The following PPARGC1A variants were observed in gnomAD, a reference collection of about 807,000 sequenced individuals.
PPARGC1A encodes PPARG coactivator 1 alpha.
PPARGC1A carries 25 observed loss-of-function variants against 88.7 expected under a neutral mutation model. That is an observed-to-expected ratio of 0.28 (90% CI 0.21 to 0.39). The LOEUF (loss-of-function observed/expected upper bound fraction) is 0.39. Ranked by LOEUF, PPARGC1A falls within the 10% of genes least tolerant of loss-of-function variation. The probability of loss-of-function intolerance (pLI) is 1.00; values close to 1 mark genes in which losing one functional copy is unlikely to be tolerated. For synonymous variants in PPARGC1A, 363 were observed against 355.6 expected (o/e 1.02, Z -0.24); for missense variants, 880 against 968.7 (o/e 0.91, Z 1.22).
In PPARGC1A at chr4:23,830,474, T is replaced by C. The variant is rs7689831; in HGVS notation, c.430-889A>G. The stretch of plus-strand genomic sequence containing the variant: ...TATCAATGGAAAGAAATCAGGGTAC[T>C]AGGGAGCAAAGCCAATGACACTAAC... On this transcript the variant is annotated intron_variant, in intron 3 of 12. Coordinates refer to ENST00000264867, the MANE Select transcript of PPARGC1A (RefSeq NM_013261.5). 5.5e-3 allele frequency among the ~76,000 whole-genome samples: 837 copies of C among 152,306 alleles called. 5 individuals carry two copies. The highest frequency in any genetic ancestry group is 0.018 in the African/African-American group (769 of 41,568).
the PPARGC1A span, among the ~76,000 whole-genome samples, chr4:23,924,827 C>T: frequency 6.6e-6 from 1 of 152,094 alleles, no homozygotes; most frequent in East Asian, 1.9e-4. Flanking sequence ...ACTGGTCCTG[C>T]ACAGTTTTTA....
intron 7 of PPARGC1A, among the ~76,000 whole-genome samples, chr4:23,817,135 G>A (rs2109507738): frequency 6.6e-6 from 1 of 152,158 alleles, no homozygotes; most frequent in Middle Eastern, 3.4e-3. Flanking sequence ...TTAAACTTCA[G>A]GAACGCCAAA....
At chr4:23,970,227 A>G in the PPARGC1A span, among the ~76,000 whole-genome samples, 2 of 152,214 alleles carry the variant, frequency 1.3e-5, no homozygotes, top group Admixed American at 1.3e-4. Flanking sequence ...TCAACTCACC[A>G]TAGTAGCAAC....
chr4:24,226,270 C>T, the PPARGC1A span, among the ~76,000 whole-genome samples: 1 of 152,204 alleles, frequency 6.6e-6, no homozygotes, highest in Admixed American at 6.5e-5. Context: ...CTGTTCACAG[C>T]TCAGAGGCAC....
intron 7 of PPARGC1A, among the ~76,000 whole-genome samples, chr4:23,821,995 G>T (rs1043719581): frequency 1.3e-5 from 2 of 152,032 alleles, no homozygotes; most frequent in African/African-American, 4.8e-5. Flanking sequence ...CCATTTTTGT[G>T]TGTCAAAAAT....
chr4:23,900,092 A>G (rs1448631097), upstream of PPARGC1A, among the ~76,000 whole-genome samples: 2 of 151,988 alleles, frequency 1.3e-5, no homozygotes, highest in Non-Finnish European at 2.9e-5. Context: ...GCCTTGGAGC[A>G]GAAATCAAAG....
At position 23,845,701 on chromosome 4, in the gene PPARGC1A, A is replaced by G. The variant is rs56877684; in HGVS notation, c.235-13950T>C. ...ACTCCTTGACTAACTTTCGTATTCC[A>G]CTAAAGTGCTCTGCACAGAGCAACG... On this transcript the variant is annotated intron_variant, in intron 2 of 12. Transcript: ENST00000264867. Among the ~76,000 whole-genome samples, 694 of 152,286 alleles carry G rather than the reference A, an allele frequency of 4.6e-3. 2 individuals are homozygous for G. Among genetic ancestry groups the G allele is most frequent in the Admixed American group, 8.4e-3 (129 of 15,288 alleles).
At chr4:23,897,554 C>T (rs1055049334) in intron 1 of PPARGC1A, among the ~76,000 whole-genome samples, 1 of 152,152 alleles carries the variant, frequency 6.6e-6, no homozygotes, top group Non-Finnish European at 1.5e-5. Flanking sequence ...AGACAGACAA[C>T]TCAGGAAGCC....
chr4:24,096,697 G>C, the PPARGC1A span, among the ~76,000 whole-genome samples: 2 of 152,174 alleles, frequency 1.3e-5, no homozygotes, highest in Middle Eastern at 6.8e-3. Context: ...TTAGCTGCTG[G>C]TACCATATGA....
At chr4:24,393,648 A>C in the PPARGC1A span, among the ~76,000 whole-genome samples, 23 of 152,342 alleles carry the variant, frequency 1.5e-4, no homozygotes, top group East Asian at 2.3e-3. Flanking sequence ...GGGCAAACAC[A>C]CAGAGAAGTG....
At chr4:24,434,254 G>T in the PPARGC1A span, among the ~76,000 whole-genome samples, 1 of 152,242 alleles carries the variant, frequency 6.6e-6, no homozygotes, top group African/African-American at 2.4e-5. Context: ...CCTCAGGAAA[G>T]TCGGATCTGT....
At chr4:24,330,836 C>T in the PPARGC1A span, among the ~76,000 whole-genome samples, 6 of 152,152 alleles carry the variant, frequency 3.9e-5, no homozygotes, top group African/African-American at 1.4e-4. Flanking sequence ...AGCCACACCA[C>T]TCTTTGGCAG....
At chr4:24,158,347 T>G in the PPARGC1A span, among the ~76,000 whole-genome samples, 5 of 152,188 alleles carry the variant, frequency 3.3e-5, no homozygotes, top group Admixed American at 1.3e-4. Flanking sequence ...TGTCACTCAT[T>G]TATTATCTGT....
At chr4:24,409,867 A>G in the PPARGC1A span, among the ~76,000 whole-genome samples, 3 of 152,206 alleles carry the variant, frequency 2.0e-5, no homozygotes, top group African/African-American at 7.2e-5. Flanking sequence ...GTGTGCTCCA[A>G]TGGGAGGTAA....
At chr4:24,015,014 C>T in the PPARGC1A span, among the ~76,000 whole-genome samples, 1 of 152,134 alleles carries the variant, frequency 6.6e-6, no homozygotes, top group South Asian at 2.1e-4. Context: ...TCTCACTTGA[C>T]ATTCCCAGCT....
the PPARGC1A span, among the ~76,000 whole-genome samples, chr4:24,401,367 T>C: frequency 6.6e-6 from 1 of 152,144 alleles, no homozygotes; most frequent in East Asian, 1.9e-4. Flanking sequence ...GGTATGACAG[T>C]AATTATTATG....
the PPARGC1A span, among the ~76,000 whole-genome samples, chr4:24,102,290 C>T: frequency 6.6e-6 from 1 of 152,322 alleles, no homozygotes; most frequent in South Asian, 2.1e-4. Flanking sequence ...ACTATAGATT[C>T]CTTTCTTTTT....
At chr4:23,809,567 T>C (rs1720488747) in intron 10 of PPARGC1A, among the ~76,000 whole-genome samples, 1 of 152,192 alleles carries the variant, frequency 6.6e-6, no homozygotes, top group Admixed American at 6.5e-5. Flanking sequence ...CAGTATGTCA[T>C]GTAAAATTTT....
At chr4:24,142,479 G>A in the PPARGC1A span, among the ~76,000 whole-genome samples, 506 of 152,090 alleles carry the variant, frequency 3.3e-3, no homozygotes, top group Non-Finnish European at 5.8e-3. Context: ...TTTGAGACTA[G>A]CATGGGCAAC....
Sources: allele counts gnomAD v4.1 joint callset (sites outside exome capture counted in the v4.1 genomes callset), GRCh38; gene constraint gnomAD v4.1.1; transcripts MANE v1.5; gene names NCBI Gene and HGNC (gene_info 2026-07-23, HGNC 2026-07-21).